The following FRMD4A variants were observed in gnomAD, a reference collection of about 807,000 sequenced individuals.
The protein encoded by FRMD4A is FERM domain containing 4A.
FRMD4A carries 29 observed loss-of-function variants against 129.1 expected under a neutral mutation model. The observed-to-expected ratio is 0.22, with a 90% CI of 0.17 to 0.31. The LOEUF (loss-of-function observed/expected upper bound fraction) is 0.31, where lower values mean the gene tolerates loss of function less well. FRMD4A is among the 10% of genes least tolerant of loss of function. The pLI is 1.00. For missense variants in FRMD4A, 1,272 were observed against 1,375.8 expected (o/e 0.92, Z 1.19); for synonymous variants, 634 against 571.6 (o/e 1.11, Z -1.56).
At chr10:14,027,116 T>C (rs1302166208) in intron 2 of FRMD4A, among the ~76,000 whole-genome samples, 1 of 152,240 alleles carries the variant, frequency 6.6e-6, no homozygotes, top group Non-Finnish European at 1.5e-5. Context: ...TCTTAGCCCC[T>C]TTCCTTATGA....
intron 24 of FRMD4A, among the ~76,000 whole-genome samples, chr10:13,650,614 C>T (rs1407539607): frequency 6.6e-6 from 1 of 152,196 alleles, no homozygotes; most frequent in East Asian, 1.9e-4. Context: ...CTCATGACAT[C>T]ACCCTGGCAC....
intron 2 of FRMD4A, among the ~76,000 whole-genome samples, chr10:14,010,664 C>CTTTTTTTTTTTTATTTTT (rs2095678857): frequency 1.3e-5 from 1 of 76,418 alleles, no homozygotes; most frequent in African/African-American, 4.4e-5. Flanking sequence ...GAGTTTAGGT[C>CTTTTTTTTTTTTATTTTT]TTTTTTTTTT....
chr10:13,802,431 C>T (rs2093275112), intron 4 of FRMD4A, among the ~76,000 whole-genome samples: 1 of 152,024 alleles, frequency 6.6e-6, no homozygotes, highest in African/African-American at 2.4e-5. Context: ...TACAGAAATC[C>T]AAAGCAAGAG....
At chr10:14,212,571 C>G (rs1486228914) in intron 2 of FRMD4A, among the ~76,000 whole-genome samples, 1 of 152,150 alleles carries the variant, frequency 6.6e-6, no homozygotes, top group Non-Finnish European at 1.5e-5. Flanking sequence ...ATGAAAAAAA[C>G]GATATACACA....
intron 2 of FRMD4A, among the ~76,000 whole-genome samples, chr10:14,054,258 C>A (rs1834400753): frequency 1.3e-5 from 2 of 152,154 alleles, no homozygotes; most frequent in African/African-American, 4.8e-5. Flanking sequence ...TTGTCTCTGG[C>A]CTTTGTATCT....
intron 15 of FRMD4A, chr10:13,675,735 A>G (rs2134735556): frequency 6.6e-6 from 1 of 152,202 alleles, no homozygotes; most frequent in East Asian, 1.9e-4. Context: ...TTGTTCCCTT[A>G]AAAATACTTA....
chr10:13,734,768 T>A (rs1301243544), intron 12 of FRMD4A, among the ~76,000 whole-genome samples: 3 of 152,214 alleles, frequency 2.0e-5, no homozygotes, highest in Non-Finnish European at 4.4e-5. Flanking sequence ...AGGATTTATG[T>A]CTCATCTCAG....
At chr10:14,123,637 C>T (rs996844828) in intron 2 of FRMD4A, among the ~76,000 whole-genome samples, 6 of 152,286 alleles carry the variant, frequency 3.9e-5, no homozygotes, top group African/African-American at 1.4e-4. Flanking sequence ...AGCCCTTCTT[C>T]AGTGGAAAAG....
intron 10 of FRMD4A, 85 bp downstream of exon 10, chr10:13,740,427 T>C (rs2135051604): frequency 1.1e-6 from 1 of 933,648 alleles, no homozygotes; most frequent in Admixed American, 1.9e-5. Flanking sequence ...GATATGTCTT[T>C]GGAGAGGAAC....
intron 15 of FRMD4A, among the ~76,000 whole-genome samples, chr10:13,691,478 T>C (rs2085683757): frequency 6.6e-6 from 1 of 152,286 alleles, no homozygotes; most frequent in Admixed American, 6.5e-5. Context: ...CTGGGTTCTA[T>C]GAGCCTGGGC....
At chr10:13,780,972 G>A (rs1438413593) in intron 6 of FRMD4A, among the ~76,000 whole-genome samples, 1 of 121,514 alleles carries the variant, frequency 8.2e-6, no homozygotes, top group Non-Finnish European at 1.8e-5. Context: ...ATCAACAAAA[G>A]GTGATCTACA....
chr10:13,741,107 G>A (rs2090976633), intron 9 of FRMD4A, among the ~76,000 whole-genome samples: 2 of 152,122 alleles, frequency 1.3e-5, no homozygotes, highest in Admixed American at 6.5e-5. Context: ...GATTACAGGC[G>A]TGAGCCACCA....
At chr10:13,715,540 T>C (rs1013364291) in intron 12 of FRMD4A, among the ~76,000 whole-genome samples, 1 of 152,182 alleles carries the variant, frequency 6.6e-6, no homozygotes, top group Non-Finnish European at 1.5e-5. Context: ...ACTTTTCTCA[T>C]AGGGCTGCTG....
At chr10:13,740,484 C>T (rs1189551570) in intron 10 of FRMD4A, 28 bp downstream of exon 10, 3 of 1,355,758 alleles carry the variant, frequency 2.2e-6, no homozygotes, top group Non-Finnish European at 3.2e-6. Flanking sequence ...AACACTGTCC[C>T]CATGTGAGCT....
At chr10:13,953,577 C>A (rs1319505597) in intron 2 of FRMD4A, among the ~76,000 whole-genome samples, 2 of 152,196 alleles carry the variant, frequency 1.3e-5, no homozygotes. Context: ...CATTACTCAC[C>A]CACTAGTCAC....
chr10:14,187,592 C>T (rs1589144973), intron 2 of FRMD4A, among the ~76,000 whole-genome samples: 1 of 152,242 alleles, frequency 6.6e-6, no homozygotes, highest in East Asian at 1.9e-4. Context: ...GCTGGGAGGG[C>T]AACATAGTGA....
intron 3 of FRMD4A, among the ~76,000 whole-genome samples, chr10:13,837,458 T>C (rs2093894754): frequency 6.6e-6 from 1 of 152,218 alleles, no homozygotes; most frequent in African/African-American, 2.4e-5. Context: ...CCTGACCTTG[T>C]TTAATGAAAC....
At chr10:13,907,737 AG>A (rs1268406940) in intron 2 of FRMD4A, among the ~76,000 whole-genome samples, 1 of 152,194 alleles carries the variant, frequency 6.6e-6, no homozygotes, top group African/African-American at 2.4e-5. Flanking sequence ...GTCACCTGCC[AG>A]GATCAGTGGA....
intron 24 of FRMD4A, chr10:13,651,103 G>A (rs918960906): frequency 6.6e-6 from 1 of 152,242 alleles, no homozygotes; most frequent in Non-Finnish European, 1.5e-5. Flanking sequence ...CTGCCCCTGT[G>A]CTTTGCAGAT....
Sources: allele counts gnomAD v4.1 joint callset (sites outside exome capture counted in the v4.1 genomes callset), GRCh38; gene constraint gnomAD v4.1.1; transcripts MANE v1.5; gene names NCBI Gene and HGNC (gene_info 2026-07-23, HGNC 2026-07-21).